Variants in RUFY1 observed in about 807,000 individuals in gnomAD.
RUFY1 encodes the protein RUN and FYVE domain containing 1.
A neutral mutation model predicts 94.6 loss-of-function variants in RUFY1; 54 were observed. That is an observed-to-expected ratio of 0.57 (90% CI 0.46 to 0.72). The LOEUF (loss-of-function observed/expected upper bound fraction) is 0.72. RUFY1 is among the 30% of genes least tolerant of loss of function. RUFY1 has a pLI of 0.00. For missense variants in RUFY1, 883 were observed against 883.9 expected, an observed-to-expected ratio of 1.00 and a Z score of 0.01; for synonymous variants, 396 against 347.3, an observed-to-expected ratio of 1.14 and a Z score of -1.56.
At chr5:179,559,293 CAAGATAATGGGAGTTG>C (rs1762265357) in intron 1 of RUFY1, among the ~76,000 whole-genome samples, 1 of 152,198 alleles carries the variant, frequency 6.6e-6, no homozygotes, top group African/African-American at 2.4e-5. Flanking sequence ...GGCAATGCGA[CAAGATAATGGGAGTTG>C]AAATGGAACT....
chr5:179,580,369 A>T (rs1764047949), intron 6 of RUFY1, among the ~76,000 whole-genome samples: 1 of 151,080 alleles, frequency 6.6e-6, no homozygotes, highest in Non-Finnish European at 1.5e-5. Context: ...CAGCCTCCCG[A>T]GGAGCTGGGA....
chr5:179,571,120 T>C (rs1370184437), intron 5 of RUFY1, among the ~76,000 whole-genome samples: 3 of 152,222 alleles, frequency 2.0e-5, no homozygotes, highest in Non-Finnish European at 4.4e-5. Context: ...ATATAAACCA[T>C]TTAAAATGAC....
intron 1 of RUFY1, among the ~76,000 whole-genome samples, chr5:179,558,979 G>T (rs1334240559): frequency 6.6e-6 from 1 of 152,202 alleles, no homozygotes; most frequent in African/African-American, 2.4e-5. Flanking sequence ...ATTCACAGAA[G>T]AAATACTAGC....
chr5:179,569,523 GC>G, intron 5 of RUFY1, 98 bp downstream of exon 5: 4 of 1,247,614 alleles, frequency 3.2e-6, no homozygotes, highest in Non-Finnish European at 4.7e-6. Context: ...AGGGCAAATG[GC>G]AAAGAGCCCA....
intron 1 of RUFY1, among the ~76,000 whole-genome samples, chr5:179,551,758 C>G (rs562222642): frequency 6.6e-6 from 1 of 150,932 alleles, no homozygotes; most frequent in South Asian, 2.1e-4. Context: ...TGTGATACAC[C>G]TGCCTCGGCC....
chr5:179,568,943 A>G, intron 4 of RUFY1: 1 of 708,002 alleles, frequency 1.4e-6, no homozygotes, highest in South Asian at 6.4e-5. Flanking sequence ...TTTCCTGTTT[A>G]TATCAGCATA....
Position 179,585,797 on chromosome 5 carries a change from T to C in RUFY1, c.958T>C (p.Cys320Arg). Residue 320 changes from cysteine to arginine, a missense_variant and splice_region_variant, in exon 8 of 18, where the codon TGC becomes CGC. Coordinates refer to ENST00000319449, the MANE Select transcript of RUFY1 (RefSeq NM_025158.5). ...YVEELNRHLS[C>R]TVGDLQTKID... ...ACTTAATATTCTTATTTTCTACAGCTGCACAGTTGGGGATCTTCAAACCAA... is the reference window on the plus strand; with the variant it reads ...ACTTAATATTCTTATTTTCTACAGCCGCACAGTTGGGGATCTTCAAACCAA... 1 of 1,608,902 alleles carries C rather than the reference T, an allele frequency of 6.2e-7. No homozygotes were observed. Among genetic ancestry groups the C allele is most frequent in the African/African-American group, 1.3e-5 (1 of 74,940 alleles).
At chr5:179,605,812 G>C in intron 15 of RUFY1, 64 bp from the exon 16 acceptor site, 1 of 1,050,216 alleles carries the variant, frequency 9.5e-7, no homozygotes, top group Non-Finnish European at 1.5e-6. Context: ...AGAGCCAGCT[G>C]TGTTAGGGAT....
chr5:179,591,952 G>T (rs1050701501), intron 10 of RUFY1, among the ~76,000 whole-genome samples: 2 of 151,850 alleles, frequency 1.3e-5, no homozygotes, highest in Non-Finnish European at 2.9e-5. Flanking sequence ...TTGTTTGTTT[G>T]GGTTTTTTTT....
chr5:179,585,305 GTGGTTCA>G lies in RUFY1; in HGVS notation c.957-488_957-482del. On this transcript the variant is annotated intron_variant, in intron 7 of 17. Transcript: ENST00000319449. ...CTAAAAAAGAAATAGGCCGGGCACA[GTGGTTCA>G]TGCCTGTAGTCCCAGCACTTTGGAA... Among the ~76,000 whole-genome samples, 4 of 152,346 alleles carry G rather than the reference GTGGTTCA, an allele frequency of 2.6e-5. No individual in the cohort carries two copies. The South Asian group carries it at 8.3e-4, about 32-fold the overall frequency.
intron 12 of RUFY1, 114 bp from the exon 13 acceptor site, chr5:179,596,448 C>A: frequency 7.4e-7 from 1 of 1,353,782 alleles, no homozygotes. Flanking sequence ...TGTTAAAACT[C>A]ACAAGAGTTA....
chr5:179,558,881 A>G (rs762976345), intron 1 of RUFY1, among the ~76,000 whole-genome samples: 18 of 152,234 alleles, frequency 1.2e-4, no homozygotes, highest in Non-Finnish European at 2.1e-4. Context: ...TGCTGGTGAA[A>G]TAAAACAGGT....
Position 179,550,622 on chromosome 5 carries a change from C to G in RUFY1, c.53C>G (p.Pro18Arg), listed in dbSNP as rs1477770201. The G allele has an allele frequency of 1.5e-6, 2 of 1,350,912 alleles. No individual in the cohort carries two copies. Among genetic ancestry groups the G allele is most frequent in the Non-Finnish European group, 1.9e-6 (2 of 1,057,222 alleles). The allele number at this position is 1,350,912 out of a possible 1,614,324, so 83.7% of individuals were successfully genotyped here. A position where few individuals can be genotyped will look rare whatever the true frequency, so the allele number is the denominator to read the frequency against. Residue 18 changes from proline (P) to arginine (R), a missense_variant, in exon 1 of 18, where the codon CCG becomes CGG. By Grantham distance (103) the Pro-to-Arg change is moderately radical. Transcript: ENST00000319449. ...CAAGRGRELEPELEPGPGPGS... is the reference protein window; with the variant it reads ...CAAGRGRELERELEPGPGPGS... ...GCTGGGCGGGGGCGGGAGCTGGAGC[C>G]GGAGCTGGAGCCGGGGCCGGGGCCC... is the stretch of plus-strand genomic sequence containing the variant.
chr5:179,581,539 C>T (rs1764162135), intron 7 of RUFY1, among the ~76,000 whole-genome samples: 1 of 150,992 alleles, frequency 6.6e-6, no homozygotes. Flanking sequence ...CATGTTATTC[C>T]CTTTCTGAGT....
chr5:179,577,003 G>GA (rs1201638321), intron 5 of RUFY1, 72 bp from the exon 6 acceptor site: 1 of 1,038,812 alleles, frequency 9.6e-7, no homozygotes, highest in African/African-American at 1.6e-5. Flanking sequence ...TGAAATACCT[G>GA]AATTTCAAAG....
At chr5:179,558,062 G>C (rs1762194557) in intron 1 of RUFY1, among the ~76,000 whole-genome samples, 1 of 152,142 alleles carries the variant, frequency 6.6e-6, no homozygotes, top group Admixed American at 6.6e-5. Flanking sequence ...CAAGACTGCT[G>C]TATATGTATT....
At chr5:179,608,552 C>T (rs1444461094) in intron 17 of RUFY1, 5 of 985,488 alleles carry the variant, frequency 5.1e-6, no homozygotes, top group East Asian at 1.1e-4. Context: ...GCAAAGAGAA[C>T]GAACCAGACT....
intron 7 of RUFY1, among the ~76,000 whole-genome samples, chr5:179,581,438 ATTT>A (rs763576066): frequency 3.2e-4 from 37 of 116,884 alleles, no homozygotes; most frequent in African/African-American, 3.8e-4. Flanking sequence ...CTTTATCTTG[ATTT>A]TTTTTTTTTT....
chr5:179,560,542 A>G (rs375345956), intron 2 of RUFY1, among the ~76,000 whole-genome samples: 8 of 147,868 alleles, frequency 5.4e-5, no homozygotes, highest in African/African-American at 1.5e-4. Context: ...ACACGGTGAA[A>G]CCCGGTCTCT....
Sources: gnomAD v4.1 joint callset for allele counts (sites outside exome capture counted in the v4.1 genomes callset) on GRCh38, gnomAD v4.1.1 for gene constraint, MANE v1.5 for transcripts, NCBI Gene and HGNC (gene_info 2026-07-23, HGNC 2026-07-21) for gene names.